The following TTN variants were observed in gnomAD, a reference collection of about 807,000 sequenced individuals.
The protein encoded by TTN is titin, also known as connectin.
TTN carries 1,525 observed loss-of-function variants against 3,223.0 expected under a neutral mutation model. The observed-to-expected ratio is 0.47, with a 90% CI of 0.45 to 0.49. TTN has a LOEUF of 0.49. TTN is among the 20% of genes least tolerant of loss of function. TTN has a pLI of 0.00. For missense variants in TTN, 40,786 were observed against 43,424.0 expected, an observed-to-expected ratio of 0.94 and a Z score of 5.40; for synonymous variants, 14,094 against 15,161.0, an observed-to-expected ratio of 0.93 and a Z score of 5.17.
intron 210 of TTN, 74 bp from the exon 211 acceptor site, chr2:178,649,968 AC>A: frequency 6.6e-7 from 1 of 1,507,982 alleles, no homozygotes; most frequent in Non-Finnish European, 9.1e-7. Flanking sequence ...TGAATTAAAA[AC>A]CACACATATT....
Position 178,773,532 on chromosome 2 carries a change from A to T in TTN, c.7524T>A (p.His2508Gln). The T allele has an allele frequency of 4.3e-6, 7 of 1,614,084 alleles. No individual in the cohort carries two copies. In the South Asian group the frequency reaches 6.6e-5, roughly 15 times the overall value. Residue 2508 changes from histidine to glutamine, a missense_variant, in exon 32 of 363, where the codon CAT (histidine) becomes CAA (glutamine). By Grantham distance (24) the His-to-Gln change is conservative. Transcript: ENST00000589042. ...GCTTGTAAGGTCCTTCGTCTGAAGC[A>T]TGAGTTCGGTTAATGACTAGTCGCT... Reference protein sequence around the residue: ...TKQRLVINRTHASDEGPYKLI... With the variant: ...TKQRLVINRTQASDEGPYKLI...
chr2:178,713,249 T>A lies in TTN; in HGVS notation c.26885A>T (p.Glu8962Val). The stretch of plus-strand genomic sequence containing the variant: ...CCTTCCACTACTGATCTCATTTCCT[T>A]CATGGAACCAGGAGACAGAGATTGG... ...SPPISVSWFH[E>V]GNEISSGRKY... The change falls in exon 93 of 363, where the codon GAA becomes GTA. Residue 8962 changes from glutamate (E) to valine (V), a missense_variant. Physicochemically the swap from Glu to Val is moderately radical, Grantham distance 121 (BLOSUM62 -2). Transcript: ENST00000589042. 1.2e-6 allele frequency: 2 copies of A among 1,613,022 alleles called. No homozygotes were observed. The highest frequency in any genetic ancestry group is 1.6e-4 in the Middle Eastern group (1 of 6,062).
chr2:178,751,341 G>C (rs2085441464), intron 47 of TTN: 1 of 1,609,458 alleles, frequency 6.2e-7, no homozygotes, highest in African/African-American at 1.3e-5. Context: ...CCTACATTAA[G>C]CCAACCTCTT....
chr2:178,647,572 G>A, intron 213 of TTN, 108 bp from the exon 214 acceptor site: 1 of 1,049,180 alleles, frequency 9.5e-7, no homozygotes, highest in Non-Finnish European at 1.4e-6. Flanking sequence ...AGATTTCATG[G>A]GGAAAATGGC....
rs538582097 is a variant in TTN, at chr2:178,552,809, G to A, written c.90091C>T (p.Pro30031Ser). Reference sequence around the variant, plus strand: ...ATTGAGAGATCACGTATAGGAGCTGGTACTTCAGCAGCCTTCACTGGCTCT... The same window carrying A: ...ATTGAGAGATCACGTATAGGAGCTGATACTTCAGCAGCCTTCACTGGCTCT... ...TTEPVKAAEV[P>S]APIRDLSMKD... is the part of the protein sequence containing the mutation. Residue 30031 changes from proline to serine, a missense_variant, in exon 335 of 363, where the codon CCA (proline) becomes TCA (serine). Pro to Ser is a moderately conservative substitution (Grantham distance 74). Transcript: ENST00000589042. 2 of 1,613,860 alleles carry A rather than the reference G, an allele frequency of 1.2e-6. No homozygotes were observed. Among genetic ancestry groups the A allele is most frequent in the Admixed American group, 1.7e-5 (1 of 60,010 alleles).
intron 130 of TTN, 37 bp downstream of exon 130, chr2:178,684,869 A>G: frequency 6.4e-7 from 1 of 1,559,224 alleles, no homozygotes; most frequent in South Asian, 1.2e-5. Context: ...AAGATTAAAA[A>G]AAGACAGTCT....
intron 234 of TTN, 58 bp downstream of exon 234, chr2:178,632,860 G>A (rs1484440870): frequency 6.2e-7 from 1 of 1,611,978 alleles, no homozygotes; most frequent in South Asian, 1.1e-5. Flanking sequence ...CAATGCAGGG[G>A]TGTATCAGGA....
chr2:178,531,465 T>G lies in TTN; in HGVS notation c.105150A>C (p.Arg35050Ser), dbSNP rs755163443. Residue 35050 changes from arginine to serine, a missense_variant, in exon 358 of 363, where the codon AGA (arginine) becomes AGC (serine). Physicochemically the swap from Arg to Ser is moderately radical, Grantham distance 110. Coordinates refer to ENST00000589042, the MANE Select transcript of TTN (RefSeq NM_001267550.2). ...TTCTTGTCAGCTCAGGGAAAACAGATCTGGGGACCTCTTCATCTCTGCGTT... is the reference window on the plus strand; with the variant it reads ...TTCTTGTCAGCTCAGGGAAAACAGAGCTGGGGACCTCTTCATCTCTGCGTT... ...ASQRRDEEVP[R>S]SVFPELTRTE... The G allele has an allele frequency of 6.2e-7, 1 of 1,613,914 alleles. No individual in the cohort carries two copies. The highest frequency in any genetic ancestry group is 1.1e-5 in the South Asian group (1 of 91,088).
Position 178,751,510 on chromosome 2 carries a change from C to G in TTN, c.11311+1614G>C, listed in dbSNP as rs749558211. On this transcript the variant is annotated intron_variant, in intron 47 of 362. Coordinates refer to ENST00000589042, the MANE Select transcript of TTN (RefSeq NM_001267550.2). ...CAGTAAACCTCAGGTCAACCTTTAT[C>G]CTATCTTCTCCCCTTTCAACTAAAG... 3 of 1,613,246 alleles carry G rather than the reference C, an allele frequency of 1.9e-6. No individual in the cohort carries two copies. In the East Asian group the frequency reaches 6.7e-5, roughly 36 times the overall value.
At chr2:178,649,057 A>G (rs2062482394) in intron 213 of TTN, among the ~76,000 whole-genome samples, 191 bp downstream of exon 213, 1 of 152,146 alleles carries the variant, frequency 6.6e-6, no homozygotes, top group Non-Finnish European at 1.5e-5. Context: ...GATATATCAC[A>G]GCACAACTGA....
In TTN at chr2:178,538,682, A is replaced by T; in HGVS notation, c.99147T>A (p.Asn33049Lys). ...QSGDSAWKKS[N>K]KERIKDKQFT... is the part of the protein sequence containing the mutation. The stretch of plus-strand genomic sequence containing the variant: ...ATTGCTTGTCCTTAATACGTTCCTT[A>T]TTGCTCTTCTTCCAGGCACTGTCTC... Residue 33049 changes from asparagine (N) to lysine (K), a missense_variant, in exon 354 of 363, where the codon AAT becomes AAA. By Grantham distance (94) the Asn-to-Lys change is moderately conservative (BLOSUM62 0). Transcript: ENST00000589042. 6.2e-7 allele frequency: 1 copy of T among 1,613,634 alleles called. No homozygotes were observed. The highest frequency in any genetic ancestry group is 1.1e-5 in the South Asian group (1 of 91,058).
intron 47 of TTN, among the ~76,000 whole-genome samples, chr2:178,743,205 A>G (rs1050833788): frequency 6.6e-6 from 1 of 152,024 alleles, no homozygotes; most frequent in Non-Finnish European, 1.5e-5. Flanking sequence ...ATTAGCCATA[A>G]AAAGGATAGT....
rs900065892 is a variant in TTN at position 178,744,825 on chromosome 2, A to T, written c.11312-2904T>A. On this transcript the variant is annotated intron_variant, in intron 47 of 362. Transcript: ENST00000589042. ...GCATTTTACACTTGATGTCATCTCA[A>T]AAATGGAGAAAAATAAGGTATCTCC... The T allele has an allele frequency of 2.5e-5, 25 of 985,088 alleles. No homozygotes were observed. The African/African-American group carries it at 4.4e-4, about 17-fold the overall frequency. The allele number at this position is 985,088 out of a possible 1,614,324, so 61.0% of individuals were successfully genotyped here.
chr2:178,592,721 A>C, intron 300 of TTN, 54 bp downstream of exon 300: 1 of 1,612,362 alleles, frequency 6.2e-7, no homozygotes, highest in East Asian at 2.2e-5. Context: ...AATTAAACAC[A>C]TACAATCAGA....
Position 178,640,622 on chromosome 2 carries a change from G to C in TTN, c.40642C>G (p.Pro13548Ala), listed in dbSNP as rs1290797406. 6.3e-7 allele frequency: 1 copy of C among 1,576,692 alleles called. No individual in the cohort carries two copies. The highest frequency in any genetic ancestry group is 8.6e-7 in the Non-Finnish European group (1 of 1,166,970). The change falls in exon 221 of 363, where the codon CCA becomes GCA. Residue 13548 changes from proline (P) to alanine (A), a missense_variant. Physicochemically the swap from Pro to Ala is conservative, Grantham distance 27 (BLOSUM62 -1). Transcript: ENST00000589042. ...EKVKKPAVPE[P>A]PPPKPVEEVE... ...TCTTCAACAGGTTTTGGAGGTGGTG[G>C]TTCTGGTACTTTAAGATAAGATTAT...
chr2:178,771,118 T>C lies in TTN; in HGVS notation c.8116+93A>G, dbSNP rs972559265. The C allele has an allele frequency of 3.2e-6, 5 of 1,572,628 alleles. No individual in the cohort carries two copies. In the African/African-American group the frequency reaches 6.8e-5, roughly 21 times the overall value. ...AATGACTTTATGAAATGAAAATTTA[T>C]GGTATCCAAAATGGCCATATCGTTT... On this transcript the variant is annotated intron_variant, in intron 34 of 362. Coordinates refer to ENST00000589042, the MANE Select transcript of TTN (RefSeq NM_001267550.2).
rs1472157934 is a variant in TTN at position 178,547,744 on chromosome 2, A to G, written c.93882T>C (p.Ala31294=). The part of the protein sequence containing the change: ...GRYFLTLENT[A]GVKTFSVTVV... ...CTGTGACGCTAAATGTTTTAACACCAGCTGTATTTTCCAGGGTCAAGAAGT... is the reference window on the plus strand; with the variant it reads ...CTGTGACGCTAAATGTTTTAACACCGGCTGTATTTTCCAGGGTCAAGAAGT... Residue 31294 remains alanine, a synonymous_variant, in exon 339 of 363, where the codon GCT becomes GCC. Coordinates refer to ENST00000589042, the MANE Select transcript of TTN (RefSeq NM_001267550.2). 8 of 1,613,588 alleles carry G rather than the reference A, an allele frequency of 5.0e-6. No individual in the cohort carries two copies. The South Asian group carries it at 7.7e-5, about 16-fold the overall frequency.
rs769366983 is a variant in TTN, at chr2:178,553,600, G to A, written c.89405C>T (p.Pro29802Leu). ...TTEYVVSNLK[P>L]GVNYYFRVSA... Reference sequence around the variant, plus strand: ...TACCCGGAAGTAGTAATTGACTCCAGGTTTCAGGTTGGATACCACATATTC... The same window carrying A: ...TACCCGGAAGTAGTAATTGACTCCAAGTTTCAGGTTGGATACCACATATTC... The change falls in exon 334 of 363, where the codon CCT becomes CTT. Residue 29802 changes from proline to leucine, a missense_variant. By Grantham distance (98) the Pro-to-Leu change is moderately conservative. Coordinates refer to ENST00000589042, the MANE Select transcript of TTN (RefSeq NM_001267550.2). 1 of 1,613,872 alleles carries A rather than the reference G, an allele frequency of 6.2e-7. No homozygotes were observed. Among genetic ancestry groups the A allele is most frequent in the Non-Finnish European group, 8.5e-7 (1 of 1,179,790 alleles).
rs2082176574 is a variant in TTN, at chr2:178,739,842, G to A, written c.13391C>T (p.Pro4464Leu). The A allele has an allele frequency of 6.2e-7, 1 of 1,613,712 alleles. No homozygotes were observed. The highest frequency in any genetic ancestry group is 1.3e-5 in the African/African-American group (1 of 74,902). ...TTCCATTTTCAGGTTAGCCATTTGA[G>A]GATCAACATCTTCAATAATGATGGT... is the stretch of plus-strand genomic sequence containing the variant. ...EVTIIIEDVD[P>L]QMANLKMELR... The change falls in exon 48 of 363, where the codon CCT (proline) becomes CTT (leucine). Residue 4464 changes from proline to leucine, a missense_variant. By Grantham distance (98) the Pro-to-Leu change is moderately conservative (BLOSUM62 -3). Transcript: ENST00000589042.
Sources: gnomAD v4.1 joint callset for allele counts (sites outside exome capture counted in the v4.1 genomes callset) on GRCh38, gnomAD v4.1.1 for gene constraint, MANE v1.5 for transcripts, NCBI Gene and HGNC (gene_info 2026-07-23, HGNC 2026-07-21) for gene names.